The following DYNC2I1 variants were observed in gnomAD, a reference collection of about 807,000 sequenced individuals.
DYNC2I1 encodes cytoplasmic dynein 2 intermediate chain 1.
Under a neutral mutation model 133.4 loss-of-function variants are expected in DYNC2I1, and 89 were observed. The observed-to-expected ratio is 0.67, with a 90% confidence interval of 0.56 to 0.80. DYNC2I1 has a LOEUF of 0.80. DYNC2I1 is among the 30% of genes least tolerant of loss of function. DYNC2I1 has a pLI of 0.00. For synonymous variants in DYNC2I1, 504 were observed against 484.3 expected, an observed-to-expected ratio of 1.04 and a Z score of -0.54; for missense variants, 1,291 against 1,314.5, an observed-to-expected ratio of 0.98 and a Z score of 0.28.
At chr7:158,887,218 C>A (rs775794984) in intron 7 of DYNC2I1, 143 bp downstream of exon 7, 6 of 772,466 alleles carry the variant, frequency 7.8e-6, no homozygotes, top group Non-Finnish European at 1.3e-5. Context: ...TCCCAGAAGG[C>A]ACACTGGAGA....
intron 24 of DYNC2I1, among the ~76,000 whole-genome samples, chr7:158,944,481 A>T (rs1851684876): frequency 6.6e-6 from 1 of 152,220 alleles, no homozygotes; most frequent in Admixed American, 6.5e-5. Context: ...GTCTGCAGCT[A>T]AACATTGCCC....
At position 158,906,167 on chromosome 7, in the gene DYNC2I1, C is replaced by T. The variant is rs148415543; in HGVS notation, c.1460+76C>T. 55 of 1,355,316 alleles carry T rather than the reference C, an allele frequency of 4.1e-5. No homozygotes were observed. The East Asian group carries it at 8.7e-4, about 21-fold the overall frequency. 84.0% of individuals were successfully genotyped at this position (1,355,316 alleles called of 1,614,324 possible). ...TTTCTTTCACATACTTTTAAAAAAT[C>T]GAGTTTTAAAATGCATTTTTACTAC... On this transcript the variant is annotated intron_variant, in intron 11 of 24. Coordinates refer to ENST00000407559, the MANE Select transcript of DYNC2I1 (RefSeq NM_018051.5).
At chr7:158,898,689 T>A (rs1845960136) in intron 8 of DYNC2I1, among the ~76,000 whole-genome samples, 4 of 152,194 alleles carry the variant, frequency 2.6e-5, no homozygotes, top group Admixed American at 2.6e-4. Context: ...AGATCATTGA[T>A]GTTCAAAGTA....
chr7:158,855,973 G>A (rs1376868488), upstream of DYNC2I1, among the ~76,000 whole-genome samples: 2 of 131,784 alleles, frequency 1.5e-5, no homozygotes, highest in Non-Finnish European at 3.1e-5. Context: ...ACAGAGTCTC[G>A]CTCTGTCGCC....
At chr7:158,886,963 A>G in intron 6 of DYNC2I1, 58 bp from the exon 7 acceptor site, 1 of 1,507,464 alleles carries the variant, frequency 6.6e-7, no homozygotes, top group Non-Finnish European at 9.2e-7. Context: ...AAAATGTTTT[A>G]TTTTTTAAAA....
intron 1 of DYNC2I1, among the ~76,000 whole-genome samples, chr7:158,862,977 CA>C (rs1841995104): frequency 6.6e-6 from 1 of 152,062 alleles, no homozygotes; most frequent in Admixed American, 6.5e-5. Context: ...AGTGAAGCCC[CA>C]GACCTTTGCA....
chr7:158,892,602 TG>T (rs1845339783), intron 8 of DYNC2I1, among the ~76,000 whole-genome samples: 1 of 148,612 alleles, frequency 6.7e-6, no homozygotes, highest in South Asian at 2.1e-4. Context: ...ACACTACTCC[TG>T]GCTAAGACTT....
chr7:158,851,931 A>C (rs1841068145), upstream of DYNC2I1, among the ~76,000 whole-genome samples: 1 of 152,180 alleles, frequency 6.6e-6, no homozygotes, highest in Non-Finnish European at 1.5e-5. Context: ...CAAATTATTA[A>C]TGTTATTTAT....
intron 4 of DYNC2I1, among the ~76,000 whole-genome samples, chr7:158,953,898 A>C (rs942622711): frequency 6.6e-6 from 1 of 152,076 alleles, no homozygotes; most frequent in African/African-American, 2.4e-5. Context: ...TGGCATATAC[A>C]TACAAGCATA....
At chr7:158,874,663 G>C (rs891361357) in intron 3 of DYNC2I1, among the ~76,000 whole-genome samples, 1 of 152,088 alleles carries the variant, frequency 6.6e-6, no homozygotes, top group Non-Finnish European at 1.5e-5. Flanking sequence ...TCCAGGGCTG[G>C]GTCCCCAGGC....
intron 6 of DYNC2I1, among the ~76,000 whole-genome samples, chr7:158,885,839 CTT>C (rs948561807): frequency 1.5e-4 from 23 of 151,980 alleles, no homozygotes; most frequent in African/African-American, 5.3e-4. Flanking sequence ...CACAATAAGA[CTT>C]TTTTTGCTCA....
chr7:158,854,039 A>T (rs1841114525), upstream of DYNC2I1, among the ~76,000 whole-genome samples: 1 of 149,906 alleles, frequency 6.7e-6, no homozygotes. Context: ...GGGCGTTGAG[A>T]AGTGGGGAGT....
At chr7:158,873,873 C>T (rs1843097599) in intron 3 of DYNC2I1, among the ~76,000 whole-genome samples, 1 of 152,064 alleles carries the variant, frequency 6.6e-6, no homozygotes, top group Non-Finnish European at 1.5e-5. Context: ...TCCCGTGCCT[C>T]AGCCTCCCGA....
the DYNC2I1 span, among the ~76,000 whole-genome samples, chr7:158,847,886 A>C: frequency 9.2e-5 from 14 of 152,362 alleles, no homozygotes; most frequent in African/African-American, 3.4e-4. Context: ...ACTAGAGGGT[A>C]TGATGTAAAG....
chr7:158,958,552 A>G (rs1443671303), downstream of DYNC2I1, among the ~76,000 whole-genome samples: 3 of 152,216 alleles, frequency 2.0e-5, no homozygotes, highest in African/African-American at 7.2e-5. Context: ...AAAGCTCACA[A>G]TAGTTCAGGG....
At position 158,930,323 on chromosome 7, in the gene DYNC2I1, T is replaced by C. The variant is rs2730241; in HGVS notation, c.2486-132T>C. ...CCCAGAGGAAGGGAGGGATGCTGTG[T>C]ATTGATTTGCATTTGATGTTATTTC... On this transcript the variant is annotated intron_variant, in intron 20 of 24. Transcript: ENST00000407559. 551,392 of 804,588 alleles carry C rather than the reference T, an allele frequency of 0.69. 190,749 individuals are homozygous for C. The highest frequency in any genetic ancestry group is 0.71 in the Non-Finnish European group (333,911 of 468,248). 49.8% of individuals were successfully genotyped at this position (804,588 alleles called of 1,614,324 possible).
At chr7:158,841,206 TATATATA>T in the DYNC2I1 span, among the ~76,000 whole-genome samples, 167 of 58,122 alleles carry the variant, frequency 2.9e-3, 3 homozygotes, top group South Asian at 6.1e-3. Context: ...TATATATATA[TATATATA>T]TATATATATT....
intron 1 of DYNC2I1, among the ~76,000 whole-genome samples, chr7:158,866,650 C>T (rs1842432070): frequency 2.0e-5 from 3 of 151,220 alleles, no homozygotes; most frequent in African/African-American, 4.9e-5. Context: ...TTTGGGAGGC[C>T]GAGGTGGGGG....
chr7:158,940,068 C>T (rs1016320364), intron 23 of DYNC2I1, among the ~76,000 whole-genome samples: 1 of 152,168 alleles, frequency 6.6e-6, no homozygotes, highest in African/African-American at 2.4e-5. Context: ...ACCCCACTCT[C>T]AGTAATGGAC....
Sources: gnomAD v4.1 joint callset for allele counts (sites outside exome capture counted in the v4.1 genomes callset) on GRCh38, gnomAD v4.1.1 for gene constraint, MANE v1.5 for transcripts, NCBI Gene and HGNC (gene_info 2026-07-23, HGNC 2026-07-21) for gene names.